The following PDE4D variants were observed in gnomAD, a reference collection of about 807,000 sequenced individuals.
PDE4D encodes the protein 3',5'-cyclic-AMP phosphodiesterase 4D.
A neutral mutation model predicts 87.4 loss-of-function variants in PDE4D; 24 were observed. That is an observed-to-expected ratio of 0.27 (90% CI 0.20 to 0.39). The LOEUF (loss-of-function observed/expected upper bound fraction) is 0.39, where lower values mean the gene tolerates loss of function less well. PDE4D is among the 10% of genes least tolerant of loss of function. PDE4D has a pLI of 1.00. For synonymous variants in PDE4D, 384 were observed against 383.2 expected (o/e 1.00, Z -0.02); for missense variants, 714 against 1,041.0 (o/e 0.69, Z 4.32).
At chr5:59,595,456 TC>T (rs1298955565) in intron 1 of PDE4D, among the ~76,000 whole-genome samples, 1 of 152,188 alleles carries the variant, frequency 6.6e-6, no homozygotes, top group African/African-American at 2.4e-5. Flanking sequence ...TTTCCAGTCT[TC>T]CTCCCCTCCA....
At chr5:60,236,982 A>T (rs1276855937) in intron 1 of PDE4D, among the ~76,000 whole-genome samples, 1 of 152,012 alleles carries the variant, frequency 6.6e-6, no homozygotes, top group East Asian at 1.9e-4. Context: ...TTGTTACAGC[A>T]TCAATAGAAA....
At chr5:59,174,679 T>C (rs549021752) in intron 5 of PDE4D, among the ~76,000 whole-genome samples, 5 of 152,326 alleles carry the variant, frequency 3.3e-5, no homozygotes, top group African/African-American at 1.2e-4. Flanking sequence ...GGAGTTAGTA[T>C]TAATACTTCA....
At chr5:59,659,959 T>A (rs1358546193) in intron 1 of PDE4D, among the ~76,000 whole-genome samples, 2 of 152,008 alleles carry the variant, frequency 1.3e-5, no homozygotes, top group Non-Finnish European at 2.9e-5. Context: ...CCGAGATGGG[T>A]GGATTGCTTG....
chr5:59,290,567 G>A (rs1767826917), intron 1 of PDE4D, among the ~76,000 whole-genome samples: 1 of 151,804 alleles, frequency 6.6e-6, no homozygotes, highest in Admixed American at 6.6e-5. Flanking sequence ...AAGCAAAAAT[G>A]GACAAATGGG....
chr5:59,792,979 A>G (rs187214002), intron 1 of PDE4D, among the ~76,000 whole-genome samples: 62 of 152,342 alleles, frequency 4.1e-4, no homozygotes, highest in Admixed American at 1.6e-3. Context: ...GAAGTGGGGA[A>G]GTCAGGAGGA....
chr5:60,100,370 G>A (rs1776097509), intron 2 of PDE4D, among the ~76,000 whole-genome samples: 1 of 151,890 alleles, frequency 6.6e-6, no homozygotes, highest in African/African-American at 2.4e-5. Context: ...TATAAAGTTT[G>A]ACTTTTAAGT....
chr5:59,649,904 CCTTTTTTTTTT>C lies in PDE4D; in HGVS notation c.455+243253_455+243263del, dbSNP rs1176223765. On this transcript the variant is annotated intron_variant, in intron 1 of 14. Coordinates refer to ENST00000340635, the MANE Select transcript of PDE4D (RefSeq NM_001104631.2). Reference sequence around the variant, plus strand: ...TGTTAAAATGTTGATAGTTTGTGAACCTTTTTTTTTTTTTTTTTTTTTTTTTTTAGCAATGA... The same window carrying C: ...TGTTAAAATGTTGATAGTTTGTGAACTTTTTTTTTTTTTTTTTAGCAATGA... Among the ~76,000 whole-genome samples the C allele has an allele frequency of 8.1e-5, 6 of 73,960 alleles. 1 individual carries two copies. Among genetic ancestry groups the C allele is most frequent in the Non-Finnish European group, 1.0e-4 (4 of 39,658 alleles). 48.5% of individuals were successfully genotyped at this position (73,960 alleles called of 152,430 possible).
intron 5 of PDE4D, among the ~76,000 whole-genome samples, chr5:59,162,865 A>AAAAAAAG (rs920329192): frequency 2.0e-5 from 3 of 151,360 alleles, no homozygotes; most frequent in Non-Finnish European, 4.4e-5. Context: ...AAAAAAAAAA[A>AAAAAAAG]AATTGTAATT....
chr5:59,653,496 C>T (rs1034683326), intron 1 of PDE4D, among the ~76,000 whole-genome samples: 8 of 152,020 alleles, frequency 5.3e-5, no homozygotes, highest in African/African-American at 1.9e-4. Flanking sequence ...TTGAATCCAC[C>T]GTAGTGAAAG....
At position 60,147,660 on chromosome 5, in the gene PDE4D, T is replaced by C. The variant is rs1035072156; in HGVS notation, c.42+37897A>G. ...AGAATTCAGGAGAGCTTAGGGTCTC[T>C]CAAGAGATTGCAGTCAAGCCGCCAG... On this transcript the variant is annotated intron_variant, in intron 2 of 16. Coordinates refer to the PDE4D transcript ENST00000502484. 9.7e-6 allele frequency: 4 copies of C among 412,280 alleles called. No homozygotes were observed. The Admixed American group carries it at 1.1e-4, about 11-fold the overall frequency. 25.5% of individuals were successfully genotyped at this position (412,280 alleles called of 1,614,324 possible). A position where few individuals can be genotyped will look rare whatever the true frequency, so the allele number is the denominator to read the frequency against.
chr5:59,489,755 T>G (rs1037856307), intron 1 of PDE4D, among the ~76,000 whole-genome samples: 2 of 152,158 alleles, frequency 1.3e-5, no homozygotes, highest in African/African-American at 4.8e-5. Context: ...AAACTTGCAA[T>G]GAAAGAACTG....
chr5:59,645,316 G>A (rs1742270355), intron 1 of PDE4D, among the ~76,000 whole-genome samples: 1 of 152,080 alleles, frequency 6.6e-6, no homozygotes, highest in Non-Finnish European at 1.5e-5. Context: ...AGGCTCGAGG[G>A]GTGGGATGGC....
chr5:59,694,098 C>T (rs1270836263), intron 1 of PDE4D, among the ~76,000 whole-genome samples: 1 of 152,174 alleles, frequency 6.6e-6, no homozygotes, highest in Non-Finnish European at 1.5e-5. Context: ...GTCTGTGACA[C>T]AATTCTTCAC....
At chr5:60,452,191 T>C (rs1224835796) in intron 1 of PDE4D, among the ~76,000 whole-genome samples, 1 of 152,042 alleles carries the variant, frequency 6.6e-6, no homozygotes, top group Non-Finnish European at 1.5e-5. Context: ...ATTTTGTAAA[T>C]CTCTGAGAAA....
chr5:59,724,393 C>G (rs971484444), intron 1 of PDE4D, among the ~76,000 whole-genome samples: 4 of 151,932 alleles, frequency 2.6e-5, no homozygotes, highest in Non-Finnish European at 5.9e-5. Context: ...TTAGAGGGAA[C>G]ATAAGCAGCT....
chr5:59,829,351 C>T (rs1254031902), intron 1 of PDE4D, among the ~76,000 whole-genome samples: 2 of 151,804 alleles, frequency 1.3e-5, no homozygotes, highest in Non-Finnish European at 2.9e-5. Flanking sequence ...GGAAGAAATC[C>T]ATTTGTATAT....
chr5:60,159,516 T>A lies in PDE4D; in HGVS notation c.42+26041A>T, dbSNP rs1485184270. 3.9e-5 allele frequency among the ~76,000 whole-genome samples: 6 copies of A among 152,274 alleles called. No individual in the cohort carries two copies. The East Asian group carries it at 1.2e-3, about 29-fold the overall frequency. On this transcript the variant is annotated intron_variant, in intron 2 of 16. Coordinates refer to the PDE4D transcript ENST00000502484. ...ATCACCGGCCATGCAGTGAGTTTGT[T>A]TGCACCTGCATCACCATAAACATAT... is the stretch of plus-strand genomic sequence containing the variant.
intron 1 of PDE4D, among the ~76,000 whole-genome samples, chr5:59,641,970 A>G (rs534128492): frequency 6.6e-6 from 1 of 152,328 alleles, no homozygotes; most frequent in South Asian, 2.1e-4. Flanking sequence ...CTTGGGAGCA[A>G]TATAAATGTC....
intron 1 of PDE4D, among the ~76,000 whole-genome samples, chr5:59,782,896 C>A (rs1439031463): frequency 6.6e-6 from 1 of 152,132 alleles, no homozygotes; most frequent in African/African-American, 2.4e-5. Context: ...GACCCAACAT[C>A]TCCTTTTTGC....
Sources: gnomAD v4.1 joint callset for allele counts (sites outside exome capture counted in the v4.1 genomes callset) on GRCh38, gnomAD v4.1.1 for gene constraint, MANE v1.5 for transcripts, NCBI Gene and HGNC (gene_info 2026-07-23, HGNC 2026-07-21) for gene names.